ACAP2: variants seen among roughly 807,000 people sequenced by gnomAD.
The protein encoded by ACAP2 is arf-GAP with coiled-coil, ANK repeat and PH domain-containing protein 2.
A neutral mutation model predicts 115.8 loss-of-function variants in ACAP2; 39 were observed. The observed-to-expected ratio is 0.34, with a 90% confidence interval of 0.26 to 0.44. ACAP2 has a LOEUF of 0.44. ACAP2 is among the 20% of genes least tolerant of loss of function. The pLI is 1.00. For synonymous variants in ACAP2, 289 were observed against 315.8 expected (o/e 0.92, Z 0.90); for missense variants, 662 against 927.6 (o/e 0.71, Z 3.72).
At chr3:195,396,731 G>A (rs552981411) in intron 1 of ACAP2, among the ~76,000 whole-genome samples, 1 of 137,286 alleles carries the variant, frequency 7.3e-6, no homozygotes, top group African/African-American at 2.7e-5. Flanking sequence ...AGGTTGCAGT[G>A]AGCCAAGATT....
chr3:195,282,999 C>T (rs1347552668), intron 22 of ACAP2, among the ~76,000 whole-genome samples: 5 of 152,206 alleles, frequency 3.3e-5, no homozygotes, highest in Admixed American at 6.5e-5. Flanking sequence ...ATCCTATGCA[C>T]GACCTTACCC....
At position 195,430,719 on chromosome 3, in the gene ACAP2, G is replaced by GA. The variant is rs1050948333; in HGVS notation, c.53+12075dup. On this transcript the variant is annotated intron_variant, in intron 1 of 22. Coordinates refer to ENST00000326793, the MANE Select transcript of ACAP2 (RefSeq NM_012287.6). ...GACAGAGTGTGACCCTGTCTCAACT[G>GA]AAAAAAAAAAAATCATATGGGGAAA... Among the ~76,000 whole-genome samples the GA allele has an allele frequency of 1.2e-3, 166 of 142,584 alleles. 1 individual carries two copies. Among genetic ancestry groups the GA allele is most frequent in the East Asian group, 0.011 (55 of 4,926 alleles). 93.5% of individuals were successfully genotyped at this position (142,584 alleles called of 152,430 possible). A position where few individuals can be genotyped will look rare whatever the true frequency, so the allele number is the denominator to read the frequency against.
chr3:195,304,126 T>G (rs1173505524), intron 13 of ACAP2, among the ~76,000 whole-genome samples: 1 of 116,042 alleles, frequency 8.6e-6, no homozygotes, highest in Non-Finnish European at 1.6e-5. Context: ...ACCGTGCCCC[T>G]GCACACCAGC....
At chr3:195,360,831 A>G (rs1732306785) in intron 4 of ACAP2, among the ~76,000 whole-genome samples, 1 of 151,998 alleles carries the variant, frequency 6.6e-6, no homozygotes, top group African/African-American at 2.4e-5. Context: ...AAGAAAAGAA[A>G]AAAAAAATCT....
intron 1 of ACAP2, among the ~76,000 whole-genome samples, chr3:195,420,828 G>T (rs112657668): frequency 6.6e-6 from 1 of 152,020 alleles, no homozygotes; most frequent in Non-Finnish European, 1.5e-5. Flanking sequence ...ATTTTTAGTA[G>T]AGACAGGGTT....
chr3:195,305,137 C>A (rs1175604932), intron 13 of ACAP2, among the ~76,000 whole-genome samples: 1 of 152,166 alleles, frequency 6.6e-6, no homozygotes, highest in Non-Finnish European at 1.5e-5. Context: ...ATTTAGTGAA[C>A]AAACACAGCT....
rs1335765389 is a variant in ACAP2 at position 195,275,398 on chromosome 3, TATA to T, written c.*3927_*3929del. 2 of 152,250 alleles carry T rather than the reference TATA, an allele frequency of 1.3e-5. No homozygotes were observed. The highest frequency in any genetic ancestry group is 4.8e-5 in the African/African-American group (2 of 41,470). 9.4% of individuals were successfully genotyped at this position (152,250 alleles called of 1,614,324 possible). On this transcript the variant is annotated 3_prime_UTR_variant, in exon 23 of 23. Transcript: ENST00000326793. ...GTATGTGGTGAATTAAAATTACTTT[TATA>T]ATGTTTTGCTTTCATTAATGTTTGT...
At chr3:195,361,237 C>T (rs534644681) in intron 4 of ACAP2, among the ~76,000 whole-genome samples, 2 of 152,190 alleles carry the variant, frequency 1.3e-5, no homozygotes, top group Non-Finnish European at 2.9e-5. Flanking sequence ...GAGTTTGAGA[C>T]CAGCCTGGCC....
intron 13 of ACAP2, among the ~76,000 whole-genome samples, chr3:195,304,110 G>A (rs914637418): frequency 1.2e-4 from 16 of 128,096 alleles, no homozygotes; most frequent in African/African-American, 4.7e-4. Flanking sequence ...GTTGCAGTGA[G>A]CTGAGACCGT....
At chr3:195,373,356 A>G (rs1733307269) in intron 4 of ACAP2, among the ~76,000 whole-genome samples, 1 of 152,124 alleles carries the variant, frequency 6.6e-6, no homozygotes, top group Admixed American at 6.6e-5. Flanking sequence ...AATGTTATCA[A>G]AATGATAAAT....
intron 4 of ACAP2, chr3:195,356,263 A>G (rs1731963241): frequency 8.9e-6 from 4 of 449,912 alleles, no homozygotes; most frequent in Non-Finnish European, 1.8e-5. Flanking sequence ...AACTCAGCCA[A>G]TGCCAATGAA....
intron 4 of ACAP2, among the ~76,000 whole-genome samples, chr3:195,364,596 A>C (rs1356139923): frequency 6.6e-6 from 1 of 152,176 alleles, no homozygotes; most frequent in Non-Finnish European, 1.5e-5. Flanking sequence ...TAAATAAAAT[A>C]AAGGTTTTTA....
chr3:195,400,378 A>C (rs995070844), intron 1 of ACAP2, among the ~76,000 whole-genome samples: 2 of 152,092 alleles, frequency 1.3e-5, no homozygotes, highest in Admixed American at 1.3e-4. Context: ...CTCTGCATAA[A>C]GACAGTAGCT....
intron 4 of ACAP2, among the ~76,000 whole-genome samples, chr3:195,347,596 G>A (rs143130170): frequency 2.6e-5 from 4 of 152,298 alleles, no homozygotes; most frequent in South Asian, 4.1e-4. Flanking sequence ...TCTGGATAAC[G>A]GTAATGATCC....
intron 15 of ACAP2, among the ~76,000 whole-genome samples, chr3:195,298,924 C>A (rs1386708755): frequency 6.6e-6 from 1 of 152,206 alleles, no homozygotes; most frequent in East Asian, 1.9e-4. Flanking sequence ...AGCCACTGCG[C>A]CCAGCCTTCC....
intron 7 of ACAP2, among the ~76,000 whole-genome samples, chr3:195,333,878 G>C (rs1560254840): frequency 6.6e-6 from 1 of 152,154 alleles, no homozygotes; most frequent in Non-Finnish European, 1.5e-5. Flanking sequence ...CCTAAAGTAG[G>C]AGAACGCTGG....
intron 15 of ACAP2, among the ~76,000 whole-genome samples, chr3:195,298,489 C>T (rs941934029): frequency 6.6e-6 from 1 of 152,022 alleles, no homozygotes; most frequent in African/African-American, 2.4e-5. Context: ...CACCTAACAT[C>T]AAGGATGATC....
chr3:195,390,337 A>G (rs1734583139), intron 2 of ACAP2, among the ~76,000 whole-genome samples: 1 of 152,218 alleles, frequency 6.6e-6, no homozygotes, highest in Non-Finnish European at 1.5e-5. Flanking sequence ...CTAACCCTAC[A>G]GGATTATTGT....
chr3:195,357,201 T>C (rs2108684902), intron 4 of ACAP2, among the ~76,000 whole-genome samples: 1 of 152,002 alleles, frequency 6.6e-6, no homozygotes, highest in Non-Finnish European at 1.5e-5. Context: ...TGTGGGCCTG[T>C]GTGGAGGTGG....
Sources: gnomAD v4.1 joint callset for allele counts (sites outside exome capture counted in the v4.1 genomes callset) on GRCh38, gnomAD v4.1.1 for gene constraint, MANE v1.5 for transcripts, NCBI Gene and HGNC (gene_info 2026-07-23, HGNC 2026-07-21) for gene names.